Variants in TRAPPC3L observed in about 807,000 individuals in gnomAD.
The protein encoded by TRAPPC3L is trafficking protein particle complex subunit 3L, also known as trafficking protein particle complex subunit 3-like protein.
Under a neutral mutation model 23.7 loss-of-function variants are expected in TRAPPC3L, and 23 were observed. The observed-to-expected ratio is 0.97, with a 90% CI of 0.70 to 1.37. The LOEUF is 1.37. Among genes scored for constraint, TRAPPC3L ranks in the 40% most tolerant of loss-of-function variants. TRAPPC3L has a pLI of 0.00. For synonymous variants in TRAPPC3L, 81 were observed against 77.9 expected (o/e 1.04, Z -0.21); for missense variants, 212 against 216.8 (o/e 0.98, Z 0.14).
chr6:116,498,669 C>A (rs1194353997), intron 4 of TRAPPC3L, among the ~76,000 whole-genome samples: 1 of 152,128 alleles, frequency 6.6e-6, no homozygotes, highest in Non-Finnish European at 1.5e-5. Flanking sequence ...TTTACCAAGG[C>A]CCTTCTGGGT....
At chr6:116,508,317 T>A (rs1033422169) in intron 3 of TRAPPC3L, among the ~76,000 whole-genome samples, 69 of 152,082 alleles carry the variant, frequency 4.5e-4, no homozygotes, top group African/African-American at 1.7e-3. Context: ...AGACTAGGGG[T>A]CTGGAGGTAA....
rs1336471306 is a variant in TRAPPC3L at position 116,540,456 on chromosome 6, G to A, written c.147C>T (p.Tyr49=). 1.3e-5 allele frequency: 20 copies of A among 1,551,170 alleles called. No individual in the cohort carries two copies. The highest frequency in any genetic ancestry group is 7.1e-5 in the South Asian group (6 of 84,048). Residue 49 remains tyrosine (Y), a synonymous_variant, in exon 3 of 5, where the codon TAC becomes TAT. Coordinates refer to ENST00000368602, the MANE Select transcript of TRAPPC3L (RefSeq NM_001139444.3). ...CTTCCACAAGCCGCGTTCCAATGCC[G>A]TAACCCCTGTGGATGACGGAAAGAG... ...DVNQYLDKMG[Y]GIGTRLVEDF...
intron 3 of TRAPPC3L, among the ~76,000 whole-genome samples, chr6:116,503,743 T>C (rs1053898949): frequency 6.6e-6 from 1 of 152,124 alleles, no homozygotes; most frequent in Non-Finnish European, 1.5e-5. Flanking sequence ...CACAACTACA[T>C]GGAAGCTGAA....
chr6:116,513,771 G>A (rs560636985), intron 3 of TRAPPC3L, among the ~76,000 whole-genome samples: 2 of 152,300 alleles, frequency 1.3e-5, no homozygotes, highest in Admixed American at 6.5e-5. Context: ...TCATCCATGG[G>A]TGGGGCAGAT....
At chr6:116,500,251 C>T (rs1304835425) in intron 4 of TRAPPC3L, among the ~76,000 whole-genome samples, 1 of 152,240 alleles carries the variant, frequency 6.6e-6, no homozygotes, top group African/African-American at 2.4e-5. Flanking sequence ...CCATGAAAGA[C>T]TCTGAATGAC....
intron 3 of TRAPPC3L, chr6:116,517,733 G>C (rs1772255225): frequency 6.6e-6 from 1 of 152,112 alleles, no homozygotes; most frequent in Non-Finnish European, 1.5e-5. Context: ...GATAGTTAGG[G>C]GCTTCTGAAT....
At chr6:116,501,221 G>A (rs1583264498) in intron 3 of TRAPPC3L, among the ~76,000 whole-genome samples, 2 of 152,232 alleles carry the variant, frequency 1.3e-5, no homozygotes, top group Admixed American at 6.5e-5. Context: ...CAGGTCCCAC[G>A]CCCATGGAGC....
intron 3 of TRAPPC3L, chr6:116,511,506 C>T (rs1451231275): frequency 1.7e-6 from 1 of 576,212 alleles, no homozygotes; most frequent in African/African-American, 1.9e-5. Flanking sequence ...CAATTTCCAC[C>T]AGTAGGAGGC....
In TRAPPC3L at chr6:116,497,398, G is replaced by A. The variant is rs182467463; in HGVS notation, c.427-325C>T. Among the ~76,000 whole-genome samples, 21 of 152,270 alleles carry A rather than the reference G, an allele frequency of 1.4e-4. No homozygotes were observed. The East Asian group carries it at 3.9e-3, about 28-fold the overall frequency. ...AACACAAATTCCCAGCTCGGGGATA[G>A]CCTTGACCCACTGTGCTTAGCCAGC... On this transcript the variant is annotated intron_variant, in intron 4 of 4. Transcript: ENST00000368602.
At chr6:116,543,955 G>A (rs1773615039) in intron 1 of TRAPPC3L, 1 of 1,133,054 alleles carries the variant, frequency 8.8e-7, no homozygotes, top group Non-Finnish European at 1.2e-6. Flanking sequence ...CCCATTTTTA[G>A]AGTAAATTAT....
At chr6:116,511,861 C>G (rs1236925353) in intron 3 of TRAPPC3L, 2 of 1,614,078 alleles carry the variant, frequency 1.2e-6, no homozygotes, top group South Asian at 1.1e-5. Flanking sequence ...TGGTTTTCCT[C>G]TTTGCTCCTG....
rs1364523524 is a variant in TRAPPC3L, at chr6:116,512,439, C to G, written c.241-11773G>C. 8 of 563,904 alleles carry G rather than the reference C, an allele frequency of 1.4e-5. No homozygotes were observed. In the East Asian group the frequency reaches 2.3e-4, roughly 16 times the overall value. 34.9% of individuals were successfully genotyped at this position (563,904 alleles called of 1,614,324 possible). A position where few individuals can be genotyped will look rare whatever the true frequency, so the allele number is the denominator to read the frequency against. On this transcript the variant is annotated intron_variant, in intron 3 of 4. Coordinates refer to ENST00000368602, the MANE Select transcript of TRAPPC3L (RefSeq NM_001139444.3). ...AATAAAGTTGCTGACTGGATTATCT[C>G]TTTTCCGGTTCTGAAAAGAAAATAT...
intron 3 of TRAPPC3L, among the ~76,000 whole-genome samples, chr6:116,504,716 G>T (rs1013106594): frequency 6.6e-6 from 1 of 151,896 alleles, no homozygotes; most frequent in African/African-American, 2.4e-5. Flanking sequence ...GGGATGCAAG[G>T]CTGGTTAAAC....
At chr6:116,542,010 T>TA (rs1014561521) in intron 2 of TRAPPC3L, among the ~76,000 whole-genome samples, 1 of 152,224 alleles carries the variant, frequency 6.6e-6, no homozygotes, top group Admixed American at 6.5e-5. Context: ...GTTAAATGTG[T>TA]ACTCAATTAG....
chr6:116,499,772 T>A (rs1771885265), intron 4 of TRAPPC3L, among the ~76,000 whole-genome samples: 1 of 152,222 alleles, frequency 6.6e-6, no homozygotes, highest in East Asian at 1.9e-4. Flanking sequence ...CCTTAGGAAG[T>A]CTACAAGTTT....
chr6:116,539,803 T>A (rs768061270), intron 3 of TRAPPC3L, among the ~76,000 whole-genome samples: 4 of 152,170 alleles, frequency 2.6e-5, no homozygotes, highest in Non-Finnish European at 5.9e-5. Context: ...AGGCCAAGAT[T>A]TTTAAAGGCT....
At chr6:116,508,438 G>A (rs746902917) in intron 3 of TRAPPC3L, among the ~76,000 whole-genome samples, 2 of 152,172 alleles carry the variant, frequency 1.3e-5, no homozygotes, top group Non-Finnish European at 2.9e-5. Context: ...AGCCCCAAAG[G>A]TGTGAACTGG....
intron 4 of TRAPPC3L, among the ~76,000 whole-genome samples, chr6:116,498,406 G>A (rs997435307): frequency 6.6e-6 from 1 of 152,126 alleles, no homozygotes; most frequent in African/African-American, 2.4e-5. Context: ...TATTTCTATT[G>A]TTTTATGCTT....
intron 3 of TRAPPC3L, among the ~76,000 whole-genome samples, chr6:116,509,356 T>C (rs1024179984): frequency 6.6e-6 from 1 of 152,048 alleles, no homozygotes; most frequent in African/African-American, 2.4e-5. Context: ...CTAAAATTTA[T>C]ATGGAACCAA....
Sources: allele counts gnomAD v4.1 joint callset (sites outside exome capture counted in the v4.1 genomes callset), GRCh38; gene constraint gnomAD v4.1.1; transcripts MANE v1.5; gene names NCBI Gene and HGNC (gene_info 2026-07-23, HGNC 2026-07-21).